PRKCE: variants seen among roughly 807,000 people sequenced by gnomAD.
PRKCE encodes the protein protein kinase C epsilon type.
Under a neutral mutation model 85.4 loss-of-function variants are expected in PRKCE, and 16 were observed. That is an observed-to-expected ratio of 0.19 (90% CI 0.13 to 0.28). PRKCE has a LOEUF of 0.28. Ranked by LOEUF, PRKCE falls within the 10% of genes least tolerant of loss-of-function variation. The pLI, the probability that PRKCE is intolerant of heterozygous loss-of-function variation, is 1.00. For missense variants in PRKCE, 573 were observed against 975.2 expected (o/e 0.59, Z 5.49); for synonymous variants, 388 against 371.5 (o/e 1.04, Z -0.51).
At chr2:46,120,474 A>T (rs375111533) in intron 11 of PRKCE, among the ~76,000 whole-genome samples, 3 of 152,204 alleles carry the variant, frequency 2.0e-5, no homozygotes, top group Non-Finnish European at 4.4e-5. Flanking sequence ...CCCGCTCTAG[A>T]TGCAAAGTTC....
Position 46,159,973 on chromosome 2 carries a change from T to C in PRKCE, c.2067+221T>C. On this transcript the variant is annotated intron_variant, in intron 14 of 14. Transcript: ENST00000306156. The surrounding 1 kb of genome is among the most constrained non-coding windows in gnomAD (Gnocchi z 4.1). ...CTACAGCAGCACCCAAGATGATGAT[T>C]TACGTGGGCCACAGAACACCTTTTG... is the stretch of plus-strand genomic sequence containing the variant. The C allele has an allele frequency of 2.0e-6, 1 of 510,668 alleles. No homozygotes were observed. 31.6% of individuals were successfully genotyped at this position (510,668 alleles called of 1,614,324 possible).
chr2:45,659,174 T>C (rs1178635441), intron 1 of PRKCE, among the ~76,000 whole-genome samples: 1 of 152,194 alleles, frequency 6.6e-6, no homozygotes, highest in African/African-American at 2.4e-5. Context: ...TTAAACTCCA[T>C]ATGCCTAATA....
At chr2:46,056,207 T>G (rs1045222269) in intron 10 of PRKCE, among the ~76,000 whole-genome samples, 8 of 152,094 alleles carry the variant, frequency 5.3e-5, no homozygotes, top group Non-Finnish European at 1.2e-4. Context: ...CATTTGATCT[T>G]GATCTTACTT....
At chr2:45,754,173 T>C (rs1244851577) in intron 1 of PRKCE, among the ~76,000 whole-genome samples, 1 of 152,124 alleles carries the variant, frequency 6.6e-6, no homozygotes, top group East Asian at 1.9e-4. Flanking sequence ...AAAGCAGGTT[T>C]GAGGTAGGGT....
At chr2:46,069,387 T>C (rs1266704196) in intron 10 of PRKCE, among the ~76,000 whole-genome samples, 1 of 152,106 alleles carries the variant, frequency 6.6e-6, no homozygotes, top group East Asian at 1.9e-4. Context: ...AAAATATGTT[T>C]CTGTAAGTAA....
chr2:46,092,798 G>A (rs2103973230), intron 11 of PRKCE, among the ~76,000 whole-genome samples: 1 of 152,330 alleles, frequency 6.6e-6, no homozygotes, highest in East Asian at 1.9e-4. Flanking sequence ...CTGCTAGTCA[G>A]AGGGGAAAGT....
At chr2:46,086,499 C>A (rs1669651271) in intron 11 of PRKCE, 137 bp downstream of exon 11, 3 of 1,070,684 alleles carry the variant, frequency 2.8e-6, no homozygotes, top group Admixed American at 2.8e-5. Flanking sequence ...AATTTGCTTA[C>A]AGAAGACTTT....
rs530399952 is a variant in PRKCE at position 46,186,424 on chromosome 2, G to A, written c.*1543G>A. On this transcript the variant is annotated 3_prime_UTR_variant, in exon 15 of 15. Transcript: ENST00000306156. Reference sequence around the variant, plus strand: ...GCTGCAAGGCCTGTGGAATTAATTCGTTGCATATAGAGGTATCAACTGCTG... The same window carrying A: ...GCTGCAAGGCCTGTGGAATTAATTCATTGCATATAGAGGTATCAACTGCTG... 7.2e-5 allele frequency: 11 copies of A among 152,540 alleles called. No individual in the cohort carries two copies. Among genetic ancestry groups the A allele is most frequent in the East Asian group, 3.9e-4 (2 of 5,184 alleles). 9.4% of individuals were successfully genotyped at this position (152,540 alleles called of 1,614,324 possible).
chr2:45,708,588 CT>C (rs1169108093), intron 1 of PRKCE, among the ~76,000 whole-genome samples: 1 of 152,196 alleles, frequency 6.6e-6, no homozygotes, highest in African/African-American at 2.4e-5. Context: ...ATGGTGAGGC[CT>C]CCCCAGCCAC....
chr2:45,685,112 G>A (rs555777736), intron 1 of PRKCE, among the ~76,000 whole-genome samples: 4 of 152,260 alleles, frequency 2.6e-5, no homozygotes, highest in Admixed American at 2.0e-4. Context: ...ACCTAAACAC[G>A]GGCCAATGAC....
At chr2:46,036,545 G>A (rs1328311945) in intron 10 of PRKCE, among the ~76,000 whole-genome samples, 3 of 152,226 alleles carry the variant, frequency 2.0e-5, no homozygotes, top group East Asian at 1.9e-4. Context: ...AGCCATGATC[G>A]CGCCACTGCA....
intron 1 of PRKCE, among the ~76,000 whole-genome samples, chr2:45,769,051 A>T (rs1014462622): frequency 5.9e-5 from 9 of 152,238 alleles, no homozygotes; most frequent in Non-Finnish European, 1.3e-4. Flanking sequence ...GTGGGACAAG[A>T]TTTAAATTGT....
intron 2 of PRKCE, among the ~76,000 whole-genome samples, chr2:45,843,656 C>A (rs972157458): frequency 6.6e-6 from 1 of 152,158 alleles, no homozygotes; most frequent in East Asian, 1.9e-4. Flanking sequence ...ACACTTAAGA[C>A]CTTTGAAGGG....
At chr2:46,058,905 C>T (rs1666856134) in intron 10 of PRKCE, among the ~76,000 whole-genome samples, 1 of 152,118 alleles carries the variant, frequency 6.6e-6, no homozygotes, top group African/African-American at 2.4e-5. Context: ...GCCGTGTGGC[C>T]CAGGCTGGTC....
At chr2:46,021,946 T>C (rs1049792246) in intron 10 of PRKCE, among the ~76,000 whole-genome samples, 6 of 152,182 alleles carry the variant, frequency 3.9e-5, no homozygotes, top group African/African-American at 1.4e-4. Flanking sequence ...ACATAGTCTA[T>C]TGAGATGACT....
rs147299586 is a variant in PRKCE at position 45,988,171 on chromosome 2, G to A, written c.823+3491G>A. Among the ~76,000 whole-genome samples the A allele has an allele frequency of 1.1e-4, 16 of 152,304 alleles. No homozygotes were observed. The East Asian group carries it at 2.9e-3, about 28-fold the overall frequency. ...TGCTAGGCTGGAGCTCTGGTCCCCTGGTCCTGGCTGGAGATCATCTATTTG... is the reference window on the plus strand; with the variant it reads ...TGCTAGGCTGGAGCTCTGGTCCCCTAGTCCTGGCTGGAGATCATCTATTTG... On this transcript the variant is annotated intron_variant, in intron 6 of 14. Coordinates refer to ENST00000306156, the MANE Select transcript of PRKCE (RefSeq NM_005400.3).
intron 7 of PRKCE, among the ~76,000 whole-genome samples, chr2:46,002,837 C>A (rs1363817472): frequency 6.6e-6 from 1 of 152,238 alleles, no homozygotes; most frequent in Non-Finnish European, 1.5e-5. Context: ...TTTAAAAGCT[C>A]TAGAGAGAAC....
intron 1 of PRKCE, among the ~76,000 whole-genome samples, chr2:45,790,583 G>C (rs1249875313): frequency 6.6e-6 from 1 of 152,182 alleles, no homozygotes; most frequent in Non-Finnish European, 1.5e-5. Context: ...GGGGCTGCAG[G>C]AAATGGCCAT....
chr2:46,092,083 A>T, intron 11 of PRKCE, among the ~76,000 whole-genome samples: 1 of 152,212 alleles, frequency 6.6e-6, no homozygotes, highest in East Asian at 1.9e-4. Context: ...TGAGCAACTT[A>T]CAAAACCTCT....
Sources: allele counts gnomAD v4.1 joint callset (sites outside exome capture counted in the v4.1 genomes callset), GRCh38; gene constraint gnomAD v4.1.1; non-coding constraint Gnocchi (gnomAD v3.1); transcripts MANE v1.5; gene names NCBI Gene and HGNC (gene_info 2026-07-23, HGNC 2026-07-21).